Variants in ADCY5 observed in about 807,000 individuals in gnomAD.
ADCY5 encodes the protein adenylate cyclase 5, also known as adenylate cyclase type 5.
In ADCY5, 30 loss-of-function variants were observed where a neutral mutation model predicts 119.7. That is an observed-to-expected ratio of 0.25 (90% CI 0.19 to 0.34). The LOEUF (loss-of-function observed/expected upper bound fraction) is 0.34. Among genes scored for constraint, ADCY5 ranks in the 10% least tolerant of loss-of-function variants. ADCY5 has a pLI of 1.00. For synonymous variants in ADCY5, 753 were observed against 762.2 expected (o/e 0.99, Z 0.20); for missense variants, 1,324 against 1,775.2 (o/e 0.75, Z 4.57).
chr3:123,324,754 C>T (rs1056967797), intron 8 of ADCY5, among the ~76,000 whole-genome samples: 1 of 152,186 alleles, frequency 6.6e-6, no homozygotes, highest in Non-Finnish European at 1.5e-5. Context: ...ATGGCCTCCC[C>T]GACTTGCTCA....
At chr3:123,418,033 G>A (rs1945223325) in intron 1 of ADCY5, among the ~76,000 whole-genome samples, 1 of 152,168 alleles carries the variant, frequency 6.6e-6, no homozygotes, top group Non-Finnish European at 1.5e-5. Flanking sequence ...CATTTCCCTG[G>A]TGAACCCAGC....
At chr3:123,388,549 G>A (rs1475554964) in intron 1 of ADCY5, among the ~76,000 whole-genome samples, 1 of 148,264 alleles carries the variant, frequency 6.7e-6, no homozygotes, top group East Asian at 1.9e-4. Flanking sequence ...GGAGAGGCTG[G>A]GCCAGAGGGA....
Position 123,448,112 on chromosome 3 carries a change from G to C in ADCY5, c.434C>G (p.Ser145Trp). 1.8e-6 allele frequency: 2 copies of C among 1,118,372 alleles called. No individual in the cohort carries two copies. Among genetic ancestry groups the C allele is most frequent in the Non-Finnish European group, 2.2e-6 (2 of 918,916 alleles). 69.3% of individuals were successfully genotyped at this position (1,118,372 alleles called of 1,614,324 possible). A position where few individuals can be genotyped will look rare whatever the true frequency, so the allele number is the denominator to read the frequency against. ...AGGGCGCACCTCCGTCCCGCCCGCCGAGGCAGCCGCCGCCGCCGAGCCGCC... is the reference window on the plus strand; with the variant it reads ...AGGGCGCACCTCCGTCCCGCCCGCCCAGGCAGCCGCCGCCGCCGAGCCGCC... ...GGGGSAAAAA[S>W]AGGTEVRPRS... The change falls in exon 1 of 21, where the codon TCG (serine) becomes TGG (tryptophan). Residue 145 changes from serine (S) to tryptophan (W), a missense_variant. Transcript: ENST00000462833.
At chr3:123,396,051 AGG>A (rs1491215777) in intron 1 of ADCY5, among the ~76,000 whole-genome samples, 1 of 39,174 alleles carries the variant, frequency 2.6e-5, no homozygotes, top group Non-Finnish European at 4.8e-5. Flanking sequence ...GGAGGGAGAG[AGG>A]GAGGGAGGGT....
At chr3:123,367,467 T>G (rs139316339) in intron 1 of ADCY5, among the ~76,000 whole-genome samples, 40 of 152,314 alleles carry the variant, frequency 2.6e-4, no homozygotes, top group African/African-American at 8.4e-4. Flanking sequence ...ATCCTCCAAG[T>G]GCAATCAAGT....
intron 1 of ADCY5, among the ~76,000 whole-genome samples, chr3:123,406,708 T>C (rs903453166): frequency 1.2e-4 from 18 of 152,268 alleles, no homozygotes; most frequent in Admixed American, 1.2e-3. Flanking sequence ...ACTGGCTCTG[T>C]TGTAATGATG....
chr3:123,332,461 C>T (rs1047678915), intron 4 of ADCY5, 103 bp downstream of exon 4: 1 of 848,518 alleles, frequency 1.2e-6, no homozygotes. Flanking sequence ...AGGATATACC[C>T]AGGCACATGC....
intron 1 of ADCY5, among the ~76,000 whole-genome samples, chr3:123,373,758 GCCCCCCCCCCCCCGACCC>G (rs1230042859): frequency 2.7e-5 from 1 of 37,074 alleles, no homozygotes; most frequent in African/African-American, 7.2e-5. Flanking sequence ...GAAGCATCAC[GCCCCCCCCCCCCCGACCC>G]CCCCGCAGGT....
chr3:123,322,907 C>A (rs946173548), intron 8 of ADCY5, among the ~76,000 whole-genome samples: 17 of 152,242 alleles, frequency 1.1e-4, no homozygotes, highest in Non-Finnish European at 1.8e-4. Flanking sequence ...CCCAGCCCCC[C>A]ATCCCTGCTT....
intron 7 of ADCY5, 22 bp from the exon 8 acceptor site, chr3:123,325,484 G>T (rs374376514): frequency 3.0e-5 from 48 of 1,610,522 alleles, no homozygotes; most frequent in Non-Finnish European, 4.0e-5. Flanking sequence ...ACACAGAGAT[G>T]GGGGGAGATG....
intron 3 of ADCY5, among the ~76,000 whole-genome samples, chr3:123,334,555 T>A (rs143248684): frequency 6.6e-6 from 1 of 152,112 alleles, no homozygotes; most frequent in Non-Finnish European, 1.5e-5. Flanking sequence ...CTGGCCAACA[T>A]GGCAAAACCC....
At chr3:123,311,859 CA>C (rs1940604953) in intron 12 of ADCY5, among the ~76,000 whole-genome samples, 1 of 152,154 alleles carries the variant, frequency 6.6e-6, no homozygotes, top group African/African-American at 2.4e-5. Context: ...CTCCCCCACC[CA>C]AGGAAACAGG....
At chr3:123,432,568 G>A (rs180754749) in intron 1 of ADCY5, among the ~76,000 whole-genome samples, 24 of 151,926 alleles carry the variant, frequency 1.6e-4, no homozygotes, top group East Asian at 3.9e-4. Context: ...GTCTTGCTCC[G>A]TGCCCAGGCT....
chr3:123,311,454 C>A (rs148134383), intron 12 of ADCY5, among the ~76,000 whole-genome samples: 1 of 152,306 alleles, frequency 6.6e-6, no homozygotes, highest in African/African-American at 2.4e-5. Context: ...GCCAGGGAGA[C>A]GCTCCTTTCA....
chr3:123,343,921 CG>C (rs1453871110), intron 3 of ADCY5, among the ~76,000 whole-genome samples: 2 of 152,206 alleles, frequency 1.3e-5, no homozygotes, highest in African/African-American at 2.4e-5. Flanking sequence ...TAAGTGTCTC[CG>C]GGGTCTCCAG....
At chr3:123,295,949 G>A (rs376595428) in intron 17 of ADCY5, 135 bp downstream of exon 17, 66 of 1,318,388 alleles carry the variant, frequency 5.0e-5, no homozygotes, top group Middle Eastern at 2.7e-4. Context: ...AAGTGGCTTC[G>A]ATGGGGCCTG....
In ADCY5 at chr3:123,295,892, C is replaced by A. The variant is rs369452321; in HGVS notation, c.3063+192G>T. On this transcript the variant is annotated intron_variant, in intron 17 of 20. Transcript: ENST00000462833. The stretch of plus-strand genomic sequence containing the variant: ...CAGAGTAAGTCCCAGGGTTTTGCCT[C>A]TTGGCTCCAGAGTGCAGGGAGCAGA... Among the ~76,000 whole-genome samples, 4 of 152,246 alleles carry A rather than the reference C, an allele frequency of 2.6e-5. No homozygotes were observed. In the South Asian group the frequency reaches 6.2e-4, roughly 24 times the overall value.
At chr3:123,426,490 AT>A (rs1397860280) in intron 1 of ADCY5, among the ~76,000 whole-genome samples, 4 of 151,144 alleles carry the variant, frequency 2.6e-5, no homozygotes, top group Non-Finnish European at 5.9e-5. Context: ...AGCCAGGCTA[AT>A]TTTTTTTAAT....
Position 123,304,052 on chromosome 3 carries a change from C to A in ADCY5, c.2559+15G>T, listed in dbSNP as rs768184810. On this transcript the variant is annotated intron_variant, in intron 13 of 20. Transcript: ENST00000462833. ...TGGGGCTGCGGAGGTGCTAGGAGGT[C>A]GTGCAGCCACCCACCATGTTGACAA... The A allele has an allele frequency of 1.3e-6, 2 of 1,562,552 alleles. No individual in the cohort carries two copies. Among genetic ancestry groups the A allele is most frequent in the Non-Finnish European group, 1.8e-6 (2 of 1,133,210 alleles).
Sources: gnomAD v4.1 joint callset for allele counts (sites outside exome capture counted in the v4.1 genomes callset) on GRCh38, gnomAD v4.1.1 for gene constraint, MANE v1.5 for transcripts, NCBI Gene and HGNC (gene_info 2026-07-23, HGNC 2026-07-21) for gene names.